Variants in BFSP2 observed in about 807,000 individuals in gnomAD.
BFSP2 encodes beaded filament structural protein 2, also known as phakinin.
BFSP2 carries 38 observed loss-of-function variants against 44.9 expected under a neutral mutation model. The observed-to-expected ratio is 0.85, with a 90% CI of 0.65 to 1.11. The LOEUF is 1.11. Ranked by LOEUF, BFSP2 falls within the 50% of genes least tolerant of loss-of-function variation. The pLI is 0.00. For synonymous variants in BFSP2, 197 were observed against 209.9 expected (o/e 0.94, Z 0.53); for missense variants, 525 against 533.0 (o/e 0.99, Z 0.15).
At chr3:133,405,652 A>C (rs1459426058) in intron 1 of BFSP2, among the ~76,000 whole-genome samples, 1 of 152,246 alleles carries the variant, frequency 6.6e-6, no homozygotes, top group Non-Finnish European at 1.5e-5. Flanking sequence ...CATAATCTGC[A>C]AAGGCCTGAA....
intron 5 of BFSP2, among the ~76,000 whole-genome samples, chr3:133,471,358 T>C (rs1359512701): frequency 6.6e-6 from 1 of 152,142 alleles, no homozygotes; most frequent in Non-Finnish European, 1.5e-5. Context: ...GGACTCATAA[T>C]ATACAGGAGG....
chr3:133,434,538 G>A (rs1009638009), intron 1 of BFSP2, among the ~76,000 whole-genome samples: 6 of 152,034 alleles, frequency 3.9e-5, no homozygotes, highest in Non-Finnish European at 7.4e-5. Context: ...AGGAATGTCA[G>A]GCCTCTGAGC....
intron 4 of BFSP2, among the ~76,000 whole-genome samples, chr3:133,465,054 G>A (rs996283667): frequency 2.0e-5 from 3 of 147,692 alleles, no homozygotes; most frequent in African/African-American, 7.6e-5. Flanking sequence ...CACCCAGGCT[G>A]GAGTGCAGTG....
Position 133,400,536 on chromosome 3 carries a change from TGCCCTACGGGCTTCCTGG to T in BFSP2, c.457_474del (p.Leu153_Ala158del), listed in dbSNP as rs2073354614. On this transcript the variant is annotated inframe_deletion, in exon 1 of 7. Coordinates refer to ENST00000302334, the MANE Select transcript of BFSP2 (RefSeq NM_003571.4). This position sits in a 1 kb window ranked among gnomAD's most constrained non-coding sequence, Gnocchi z 4.0. ...AAGCCACACGCTCGGGAAACTGGGGTGCCCTACGGGCTTCCTGGGCCAGCAGCTGCCAGCAGGTAAGTG... is the reference window on the plus strand; with the variant it reads ...AAGCCACACGCTCGGGAAACTGGGGTGCCAGCAGCTGCCAGCAGGTAAGTG... 1.9e-6 allele frequency: 3 copies of T among 1,612,800 alleles called. No individual in the cohort carries two copies. Among genetic ancestry groups the T allele is most frequent in the Non-Finnish European group, 2.5e-6 (3 of 1,179,532 alleles).
chr3:133,464,412 A>G (rs2074090814), intron 4 of BFSP2, among the ~76,000 whole-genome samples: 1 of 152,198 alleles, frequency 6.6e-6, no homozygotes, highest in South Asian at 2.1e-4. Context: ...GATAATAATG[A>G]CATCTCCTTC....
intron 1 of BFSP2, chr3:133,445,389 A>G (rs1423110547): frequency 6.6e-6 from 1 of 152,208 alleles, no homozygotes; most frequent in African/African-American, 2.4e-5. Context: ...CTGAGACACA[A>G]ATTGTTGGGA....
chr3:133,441,807 T>C (rs562839015), intron 1 of BFSP2, among the ~76,000 whole-genome samples: 2 of 152,292 alleles, frequency 1.3e-5, no homozygotes, highest in Non-Finnish European at 2.9e-5. Context: ...AAATTGATAA[T>C]ACAAGCTTTG....
intron 4 of BFSP2, among the ~76,000 whole-genome samples, chr3:133,462,217 TAC>T (rs1398156767): frequency 3.3e-5 from 5 of 151,546 alleles, no homozygotes; most frequent in Admixed American, 6.6e-5. Flanking sequence ...ATAACTAACC[TAC>T]AGTTTCCATT....
chr3:133,417,816 A>C (rs1576564605), intron 1 of BFSP2, among the ~76,000 whole-genome samples: 2 of 88,732 alleles, frequency 2.3e-5, no homozygotes, highest in Non-Finnish European at 4.5e-5. Flanking sequence ...CATTTTACTC[A>C]CCCCTGCCCT....
chr3:133,425,774 AAAGGGAAAGGGAAGGG>A (rs1375459797), intron 1 of BFSP2, among the ~76,000 whole-genome samples: 862 of 63,804 alleles, frequency 0.014, 15 homozygotes, highest in African/African-American at 0.041. Flanking sequence ...TGGGAAAGGG[AAAGGGAAAGGGAAGGG>A]AAGGGAAGGG....
chr3:133,429,545 A>G (rs1042228237), intron 1 of BFSP2: 1 of 152,228 alleles, frequency 6.6e-6, no homozygotes, highest in South Asian at 2.1e-4. Context: ...ACCAATGTCA[A>G]TGTTAGTCTC....
intron 1 of BFSP2, among the ~76,000 whole-genome samples, chr3:133,439,926 G>A (rs2073827600): frequency 1.3e-5 from 2 of 148,450 alleles, no homozygotes. Flanking sequence ...AGCAGAGACA[G>A]ACAGAGAGAG....
intron 1 of BFSP2, among the ~76,000 whole-genome samples, chr3:133,432,912 C>T (rs2073738154): frequency 6.6e-6 from 1 of 152,130 alleles, no homozygotes; most frequent in African/African-American, 2.4e-5. Context: ...CTGTTTTAGC[C>T]TAGCCCTCAT....
chr3:133,457,261 A>G (rs2074020509), intron 4 of BFSP2, among the ~76,000 whole-genome samples: 1 of 152,250 alleles, frequency 6.6e-6, no homozygotes, highest in African/African-American at 2.4e-5. Context: ...CTCAAGGCAA[A>G]CACTGAACGG....
rs530984226 is a variant in BFSP2 at position 133,423,767 on chromosome 3, C to G, written c.489+23195C>G. 1.4e-3 allele frequency among the ~76,000 whole-genome samples: 209 copies of G among 152,224 alleles called. 1 individual carries two copies. The highest frequency in any genetic ancestry group is 4.5e-3 in the African/African-American group (185 of 41,538). On this transcript the variant is annotated intron_variant, in intron 1 of 6. Coordinates refer to ENST00000302334, the MANE Select transcript of BFSP2 (RefSeq NM_003571.4). Reference sequence around the variant, plus strand: ...GGCAGGTGGCGCCACCTGCTGGCTGCTCTAGGAACTGTCTTACATACCTAG... The same window carrying G: ...GGCAGGTGGCGCCACCTGCTGGCTGGTCTAGGAACTGTCTTACATACCTAG...
chr3:133,402,003 A>G (rs1223533261), intron 1 of BFSP2, among the ~76,000 whole-genome samples: 1 of 152,120 alleles, frequency 6.6e-6, no homozygotes, highest in Non-Finnish European at 1.5e-5. Context: ...TGCAAGGGAG[A>G]GCCATCTTAG....
intron 4 of BFSP2, among the ~76,000 whole-genome samples, chr3:133,452,163 A>G (rs746142052): frequency 6.6e-6 from 1 of 152,246 alleles, no homozygotes; most frequent in Non-Finnish European, 1.5e-5. Flanking sequence ...GAGAACCATA[A>G]GAATTATAAA....
chr3:133,460,481 C>G (rs144998769), intron 4 of BFSP2, among the ~76,000 whole-genome samples: 23 of 152,316 alleles, frequency 1.5e-4, no homozygotes, highest in African/African-American at 5.5e-4. Flanking sequence ...TGGTCTTGAA[C>G]TACTGGCCTC....
intron 4 of BFSP2, 131 bp from the exon 5 acceptor site, chr3:133,466,697 A>AAAAAAAAT: frequency 1.4e-6 from 1 of 726,478 alleles, no homozygotes; most frequent in Non-Finnish European, 2.2e-6. Context: ...AAAAAAAAAA[A>AAAAAAAAT]GATGTTTCCA....
Sources: allele counts gnomAD v4.1 joint callset (sites outside exome capture counted in the v4.1 genomes callset), GRCh38; gene constraint gnomAD v4.1.1; non-coding constraint Gnocchi (gnomAD v3.1); transcripts MANE v1.5; gene names NCBI Gene and HGNC (gene_info 2026-07-23, HGNC 2026-07-21).